SLC5A9: variants seen among roughly 807,000 people sequenced by gnomAD.
The protein encoded by SLC5A9 is solute carrier family 5 member 9, also known as sodium/glucose cotransporter 4.
Under a neutral mutation model 70.9 loss-of-function variants are expected in SLC5A9, and 59 were observed. The ratio of observed to expected loss-of-function variants is 0.83; its 90% CI spans 0.68 to 1.03. The LOEUF is 1.03. SLC5A9 is among the 50% of genes least tolerant of loss of function. SLC5A9 has a pLI of 0.00. For missense variants in SLC5A9, 832 were observed against 881.1 expected (o/e 0.94, Z 0.71); for synonymous variants, 340 against 346.5 (o/e 0.98, Z 0.21).
At chr1:48,237,542 TG>T in intron 10 of SLC5A9, 136 bp from the exon 11 acceptor site, 1 of 786,870 alleles carries the variant, frequency 1.3e-6, no homozygotes, top group Non-Finnish European at 2.0e-6. Flanking sequence ...TTTGAGATTC[TG>T]GCTGCCAACC....
intron 9 of SLC5A9, 81 bp from the exon 10 acceptor site, chr1:48,235,648 G>A: frequency 1.3e-6 from 2 of 1,556,912 alleles, no homozygotes; most frequent in Non-Finnish European, 1.8e-6. Flanking sequence ...TGACTCTACA[G>A]AATGCTCCAG....
At chr1:48,236,177 T>A (rs1047314762) in intron 10 of SLC5A9, among the ~76,000 whole-genome samples, 2 of 152,128 alleles carry the variant, frequency 1.3e-5, no homozygotes, top group African/African-American at 4.8e-5. Flanking sequence ...TGTAAGTGCA[T>A]GGAAAGTTAG....
At chr1:48,230,377 A>G (rs1644229784) in intron 4 of SLC5A9, among the ~76,000 whole-genome samples, 1 of 152,170 alleles carries the variant, frequency 6.6e-6, no homozygotes, top group Non-Finnish European at 1.5e-5. Flanking sequence ...AATTTATCTC[A>G]GTTTGGAGGC....
chr1:48,244,087 G>GCAT (rs1644422656), intron 13 of SLC5A9, among the ~76,000 whole-genome samples: 1 of 152,180 alleles, frequency 6.6e-6, no homozygotes, highest in African/African-American at 2.4e-5. Context: ...GAAATAAAAT[G>GCAT]CATCTTCATG....
chr1:48,242,282 T>C (rs1001017774), intron 12 of SLC5A9, 175 bp from the exon 13 acceptor site: 3 of 687,218 alleles, frequency 4.4e-6, no homozygotes, highest in African/African-American at 1.8e-5. Context: ...GAATTGCTCA[T>C]ATTTGAAGAA....
Position 48,239,485 on chromosome 1 carries a change from C to A in SLC5A9, c.1625C>A (p.Ala542Asp). Residue 542 changes from alanine to aspartate, a missense_variant, in exon 12 of 14, where the codon GCC becomes GAC. Physicochemically the swap from Ala to Asp is moderately radical, Grantham distance 126. Transcript: ENST00000438567. This position sits in a 1 kb window ranked among gnomAD's most constrained non-coding sequence, Gnocchi z 4.2. Reference sequence around the variant, plus strand: ...GCAATCCTCCTCTGCGGGCTCACTGCCATCGTCATTGTCATTGTCAGCCTC... The same window carrying A: ...GCAATCCTCCTCTGCGGGCTCACTGACATCGTCATTGTCATTGTCAGCCTC... ...YFAILLCGLTAIVIVIVSLCT... is the reference protein window; with the variant it reads ...YFAILLCGLTDIVIVIVSLCT... 1 of 1,614,210 alleles carries A rather than the reference C, an allele frequency of 6.2e-7. No individual in the cohort carries two copies. Among genetic ancestry groups the A allele is most frequent in the Non-Finnish European group, 8.5e-7 (1 of 1,180,034 alleles).
chr1:48,241,854 G>A, intron 12 of SLC5A9: 1 of 449,886 alleles, frequency 2.2e-6, no homozygotes, highest in South Asian at 1.6e-5. Context: ...CAGGAACCCT[G>A]GAGCCATATT....
intron 13 of SLC5A9, 101 bp from the exon 14 acceptor site, chr1:48,247,234 C>T: frequency 9.2e-7 from 1 of 1,083,304 alleles, no homozygotes; most frequent in South Asian, 1.5e-5. Context: ...CAGTATCTCA[C>T]CATCTCTCTC....
Position 48,224,713 on chromosome 1 carries a change from T to G in SLC5A9, c.163-11T>G. 6.2e-7 allele frequency: 1 copy of G among 1,613,918 alleles called. No homozygotes were observed. The highest frequency in any genetic ancestry group is 1.1e-5 in the South Asian group (1 of 91,070). On this transcript the variant is annotated splice_polypyrimidine_tract_variant and intron_variant, in intron 1 of 13. Coordinates refer to ENST00000438567, the MANE Select transcript of SLC5A9 (RefSeq NM_001011547.3). ...CTTGAGAAATCCTCATCTCATCTAT[T>G]TCCTTTCCAGTCGTCCATCCGTGCA...
chr1:48,224,290 C>T (rs1644112444), intron 1 of SLC5A9, among the ~76,000 whole-genome samples: 1 of 152,188 alleles, frequency 6.6e-6, no homozygotes, highest in Non-Finnish European at 1.5e-5. Context: ...CAAACTGCAG[C>T]CCTCTCTGTC....
At chr1:48,237,541 C>A in intron 10 of SLC5A9, 138 bp from the exon 11 acceptor site, 1 of 775,766 alleles carries the variant, frequency 1.3e-6, no homozygotes, top group Non-Finnish European at 2.0e-6. Flanking sequence ...ATTTGAGATT[C>A]TGGCTGCCAA....
At chr1:48,223,069 A>G (rs1487880174) in intron 1 of SLC5A9, among the ~76,000 whole-genome samples, 171 bp downstream of exon 1, 3 of 152,038 alleles carry the variant, frequency 2.0e-5, no homozygotes, top group African/African-American at 7.3e-5. Flanking sequence ...CATTTTTAGA[A>G]GGGCAGAGAG....
Position 48,233,691 on chromosome 1 carries a change from G to GA in SLC5A9, c.1072dup (p.Ile358AsnfsTer15), listed in dbSNP as rs755912372. 1.9e-6 allele frequency: 3 copies of GA among 1,614,054 alleles called. No individual in the cohort carries two copies. The highest frequency in any genetic ancestry group is 2.5e-6 in the Non-Finnish European group (3 of 1,180,016). On this transcript the variant is annotated frameshift_variant, in exon 9 of 14. Coordinates refer to ENST00000438567, the MANE Select transcript of SLC5A9 (RefSeq NM_001011547.3). LOFTEE classifies it high-confidence loss of function. ...TGCGTGGACCCTGATGTCTGCCAAA[G>GA]AATCTGTGGGGCCCGAGTGGGATGT...
chr1:48,235,004 A>T (rs542863729), intron 9 of SLC5A9, among the ~76,000 whole-genome samples: 44 of 152,240 alleles, frequency 2.9e-4, no homozygotes, highest in African/African-American at 1.0e-3. Flanking sequence ...GGTTAAATAT[A>T]TGGATTTGGA....
intron 11 of SLC5A9, 128 bp downstream of exon 11, chr1:48,237,975 A>T: frequency 1.1e-6 from 1 of 946,676 alleles, no homozygotes. Context: ...TGACCACAGC[A>T]TCCAGCCTAG....
chr1:48,226,842 G>C (rs574211286), intron 2 of SLC5A9, among the ~76,000 whole-genome samples: 1 of 152,320 alleles, frequency 6.6e-6, no homozygotes, highest in African/African-American at 2.4e-5. Context: ...CCTGGGGGAG[G>C]CTTCTTCCCC....
intron 13 of SLC5A9, among the ~76,000 whole-genome samples, chr1:48,247,107 G>A (rs923354548): frequency 1.3e-5 from 2 of 152,140 alleles, no homozygotes; most frequent in Non-Finnish European, 2.9e-5. Context: ...GGGTGCTGTG[G>A]CCAAGATCAG....
rs763159768 is a variant in SLC5A9 at position 48,235,750 on chromosome 1, C to A, written c.1163C>A (p.Ala388Asp). 13 of 1,614,072 alleles carry A rather than the reference C, an allele frequency of 8.1e-6. No homozygotes were observed. The highest frequency in any genetic ancestry group is 1.1e-5 in the Non-Finnish European group (13 of 1,180,046). The change falls in exon 10 of 14, where the codon GCC (alanine) becomes GAC (aspartate). Residue 388 changes from alanine to aspartate, a missense_variant. By Grantham distance (126) the Ala-to-Asp change is moderately radical. Transcript: ENST00000438567. ...MPVGLRGLMI[A>D]VIMAALMSSL... ...CCAGGTCTGCGGGGGCTGATGATTG[C>A]CGTGATCATGGCCGCTCTCATGAGC...
Position 48,239,228 on chromosome 1 carries a change from C to A in SLC5A9, c.1462-94C>A. On this transcript the variant is annotated intron_variant, in intron 11 of 13. Transcript: ENST00000438567. The surrounding 1 kb of genome is among the most constrained non-coding windows in gnomAD (Gnocchi z 4.2). ...TGGATTTGCCCAACATGGCAATAAA[C>A]CAGTGGGAGAGAGATTTGGGGAGAG... is the stretch of plus-strand genomic sequence containing the variant. 2.2e-6 allele frequency: 2 copies of A among 906,422 alleles called. No homozygotes were observed. Among genetic ancestry groups the A allele is most frequent in the Non-Finnish European group, 3.4e-6 (2 of 580,782 alleles). The allele number at this position is 906,422 out of a possible 1,614,324, so 56.1% of individuals were successfully genotyped here. A position where few individuals can be genotyped will look rare whatever the true frequency, so the allele number is the denominator to read the frequency against.
Sources: allele counts gnomAD v4.1 joint callset (sites outside exome capture counted in the v4.1 genomes callset), GRCh38; gene constraint gnomAD v4.1.1; non-coding constraint Gnocchi (gnomAD v3.1); transcripts MANE v1.5; gene names NCBI Gene and HGNC (gene_info 2026-07-23, HGNC 2026-07-21).